Variants in STRBP observed in about 807,000 individuals in gnomAD.
The protein encoded by STRBP is spermatid perinuclear RNA-binding protein.
Under a neutral mutation model 80.1 loss-of-function variants are expected in STRBP, and 13 were observed. The ratio of observed to expected loss-of-function variants is 0.16; its 90% CI spans 0.11 to 0.26. The LOEUF (loss-of-function observed/expected upper bound fraction) is 0.26, where lower values mean the gene tolerates loss of function less well. STRBP is among the 10% of genes least tolerant of loss of function. STRBP has a pLI of 1.00. For synonymous variants in STRBP, 284 were observed against 291.2 expected (o/e 0.98, Z 0.25); for missense variants, 485 against 815.2 (o/e 0.59, Z 4.93).
intron 2 of STRBP, among the ~76,000 whole-genome samples, chr9:123,194,846 T>C (rs888397679): frequency 2.6e-5 from 4 of 152,170 alleles, no homozygotes; most frequent in African/African-American, 9.7e-5. Flanking sequence ...CCTCCTACTT[T>C]ATAAATTACT....
At chr9:123,197,339 CA>C (rs1564289096) in intron 2 of STRBP, among the ~76,000 whole-genome samples, 2 of 152,030 alleles carry the variant, frequency 1.3e-5, no homozygotes, top group East Asian at 1.9e-4. Context: ...AGGGTGATTA[CA>C]GTCAGTAATT....
chr9:123,195,385 C>CAAA (rs2132494579), intron 2 of STRBP, among the ~76,000 whole-genome samples: 1 of 152,210 alleles, frequency 6.6e-6, no homozygotes, highest in African/African-American at 2.4e-5. Flanking sequence ...AAGGAGCATT[C>CAAA]AAATTGGAAA....
At chr9:123,152,031 T>C (rs532925623) in intron 11 of STRBP, among the ~76,000 whole-genome samples, 52 of 152,294 alleles carry the variant, frequency 3.4e-4, no homozygotes, top group African/African-American at 1.2e-3. Context: ...TATAAATTAC[T>C]TTATTCTAAA....
At chr9:123,226,369 C>T (rs1053443904) in intron 2 of STRBP, among the ~76,000 whole-genome samples, 2 of 152,118 alleles carry the variant, frequency 1.3e-5, no homozygotes, top group African/African-American at 2.4e-5. Context: ...TCAAAGTATA[C>T]GTCAATAAAA....
intron 2 of STRBP, among the ~76,000 whole-genome samples, chr9:123,196,878 C>T (rs533154652): frequency 2.0e-5 from 3 of 152,238 alleles, no homozygotes; most frequent in Non-Finnish European, 4.4e-5. Context: ...AGCAATCTCA[C>T]GGCTAGGTAT....
At chr9:123,221,030 G>A (rs181790104) in intron 2 of STRBP, among the ~76,000 whole-genome samples, 47 of 151,606 alleles carry the variant, frequency 3.1e-4, no homozygotes, top group African/African-American at 1.1e-3. Context: ...TTTTTTTTAA[G>A]GTAGTGGAAA....
Position 123,124,275 on chromosome 9 carries a change from A to G in STRBP, c.*1322T>C, listed in dbSNP as rs1213700357. On this transcript the variant is annotated 3_prime_UTR_variant, in exon 19 of 19. Coordinates refer to ENST00000348403, the MANE Select transcript of STRBP (RefSeq NM_018387.5). ...TTTTAAGACATGGTGCCTTATAAAT[A>G]TTGACAGGGGACCACACTGCTGCTC... 1.9e-5 allele frequency: 19 copies of G among 985,342 alleles called. No individual in the cohort carries two copies. In the Admixed American group the frequency reaches 1.2e-3, roughly 61 times the overall value. The allele number at this position is 985,342 out of a possible 1,614,324, so 61.0% of individuals were successfully genotyped here.
chr9:123,182,925 G>T (rs898168516), intron 3 of STRBP, among the ~76,000 whole-genome samples: 1 of 150,040 alleles, frequency 6.7e-6, no homozygotes, highest in African/African-American at 2.5e-5. Flanking sequence ...GAGGCAGGAA[G>T]ATCCTTTGAG....
At chr9:123,229,379 G>C (rs2040335889) in intron 2 of STRBP, among the ~76,000 whole-genome samples, 1 of 152,146 alleles carries the variant, frequency 6.6e-6, no homozygotes, top group South Asian at 2.1e-4. Flanking sequence ...GATCATATGA[G>C]GAAGGAAATT....
Position 123,123,519 on chromosome 9 carries a change from C to T in STRBP, c.*2078G>A. ...TTACAACATGGTTAGTAACTTCCAA[C>T]AAACAACAAAATTAAAAAAAAAAAA... On this transcript the variant is annotated 3_prime_UTR_variant, in exon 19 of 19. Coordinates refer to ENST00000348403, the MANE Select transcript of STRBP (RefSeq NM_018387.5). 1.1e-6 allele frequency: 1 copy of T among 928,472 alleles called. No individual in the cohort carries two copies. The highest frequency in any genetic ancestry group is 1.2e-4 in the Admixed American group (1 of 8,366). 57.5% of individuals were successfully genotyped at this position (928,472 alleles called of 1,614,324 possible). A position where few individuals can be genotyped will look rare whatever the true frequency, so the allele number is the denominator to read the frequency against.
Position 123,115,014 on chromosome 9 carries a change from T to G in STRBP, c.*84+915A>C. 1 of 365,804 alleles carries G rather than the reference T, an allele frequency of 2.7e-6. No homozygotes were observed. Among genetic ancestry groups the G allele is most frequent in the Non-Finnish European group, 5.7e-6 (1 of 176,986 alleles). The allele number at this position is 365,804 out of a possible 1,614,324, so 22.7% of individuals were successfully genotyped here. ...AGCCTTGCCTCCTGACTCTGGTCCT[T>G]GGCTATCCAACTGTCCCAATCGACC... On this transcript the variant is annotated intron_variant and NMD_transcript_variant, in intron 3 of 3. Transcript: ENST00000471564. This position sits in a 1 kb window ranked among gnomAD's most constrained non-coding sequence, Gnocchi z 5.0.
chr9:123,164,019 A>G (rs2037641496), intron 6 of STRBP, among the ~76,000 whole-genome samples: 1 of 152,106 alleles, frequency 6.6e-6, no homozygotes, highest in Non-Finnish European at 1.5e-5. Context: ...GCAAAGAAAT[A>G]TAGCATTTTT....
intron 6 of STRBP, among the ~76,000 whole-genome samples, chr9:123,167,396 T>C (rs1451158959): frequency 6.6e-6 from 1 of 151,984 alleles, no homozygotes; most frequent in African/African-American, 2.4e-5. Flanking sequence ...CCCATGCAGC[T>C]GAAAAGAACT....
intron 2 of STRBP, among the ~76,000 whole-genome samples, chr9:123,188,943 C>A (rs2038809856): frequency 6.6e-6 from 1 of 152,106 alleles, no homozygotes; most frequent in Non-Finnish European, 1.5e-5. Flanking sequence ...CACCGCACAT[C>A]TACAATATTA....
intron 2 of STRBP, among the ~76,000 whole-genome samples, chr9:123,204,916 T>C (rs1335796785): frequency 6.0e-5 from 5 of 82,780 alleles, no homozygotes; most frequent in African/African-American, 1.2e-4. Flanking sequence ...AGAACAGGAC[T>C]CCATCTCAAA....
intron 1 of STRBP, among the ~76,000 whole-genome samples, chr9:123,264,608 A>G (rs183277748): frequency 1.6e-4 from 25 of 152,372 alleles, no homozygotes; most frequent in Admixed American, 9.8e-4. Context: ...TGGGAGATGG[A>G]TAGAGTCAGA....
chr9:123,224,653 T>C (rs1007682325), intron 2 of STRBP, among the ~76,000 whole-genome samples: 4 of 152,202 alleles, frequency 2.6e-5, no homozygotes, highest in African/African-American at 9.6e-5. Flanking sequence ...GAGATACTTG[T>C]AACTGATTAG....
chr9:123,168,879 C>A (rs1469873224), intron 6 of STRBP, among the ~76,000 whole-genome samples: 2 of 152,156 alleles, frequency 1.3e-5, no homozygotes, highest in African/African-American at 4.8e-5. Flanking sequence ...TCAAAACTAC[C>A]AATAACTGAA....
intron 7 of STRBP, 41 bp from the exon 8 acceptor site, chr9:123,160,503 C>G (rs1259912307): frequency 6.7e-7 from 1 of 1,487,086 alleles, no homozygotes; most frequent in East Asian, 2.4e-5. Flanking sequence ...CTATTGAGAT[C>G]TATTCTTCAT....
Sources: gnomAD v4.1 joint callset for allele counts (sites outside exome capture counted in the v4.1 genomes callset) on GRCh38, gnomAD v4.1.1 for gene constraint, Gnocchi (gnomAD v3.1) non-coding constraint, MANE v1.5 for transcripts, NCBI Gene and HGNC (gene_info 2026-07-23, HGNC 2026-07-21) for gene names.